The following ZNF354B variants were observed in gnomAD, a reference collection of about 807,000 sequenced individuals.
The protein encoded by ZNF354B is zinc finger protein 354B.
Under a neutral mutation model 12.9 loss-of-function variants are expected in ZNF354B, and 10 were observed. That is an observed-to-expected ratio of 0.77 (90% CI 0.48 to 1.31). The LOEUF (loss-of-function observed/expected upper bound fraction) is 1.31. Among genes scored for constraint, ZNF354B ranks in the 40% most tolerant of loss-of-function variants. ZNF354B has a pLI of 0.00. For synonymous variants in ZNF354B, 260 were observed against 243.7 expected, an observed-to-expected ratio of 1.07 and a Z score of -0.62; for missense variants, 614 against 711.7, an observed-to-expected ratio of 0.86 and a Z score of 1.56.
chr5:178,882,980 A>G lies in ZNF354B; in HGVS notation c.528A>G (p.Gln176=), dbSNP rs759144802. The part of the protein sequence containing the change: ...NFYLKSVFIK[Q]QRFAKEKTPS... ...ACCTGAAATCAGTCTTCATTAAGCA[A>G]CAGAGATTTGCTAAAGAAAAAACTC... Residue 176 remains glutamine, a synonymous_variant, in exon 5 of 5, where the codon CAA becomes CAG. Transcript: ENST00000322434. 3.7e-6 allele frequency: 6 copies of G among 1,608,240 alleles called. No homozygotes were observed. The highest frequency in any genetic ancestry group is 1.3e-5 in the African/African-American group (1 of 74,578).
rs192038460 is a variant in ZNF354B, at chr5:178,881,940, T to C, written c.257-769T>C. 2.8e-4 allele frequency among the ~76,000 whole-genome samples: 42 copies of C among 152,376 alleles called. No homozygotes were observed. In the East Asian group the frequency reaches 6.2e-3, roughly 22 times the overall value. On this transcript the variant is annotated intron_variant, in intron 4 of 4. Coordinates refer to ENST00000322434, the MANE Select transcript of ZNF354B (RefSeq NM_058230.3). ...TTTCTCTTTACTCATATCTAATTGA[T>C]TTATATTGCCTGATTGCATTGGTTA...
rs1319841702 is a variant in ZNF354B at position 178,883,359 on chromosome 5, T to A, written c.907T>A (p.Cys303Ser). The A allele has an allele frequency of 6.2e-7, 1 of 1,614,090 alleles. No individual in the cohort carries two copies. Among genetic ancestry groups the A allele is most frequent in the Admixed American group, 1.7e-5 (1 of 60,016 alleles). Residue 303 changes from cysteine to serine, a missense_variant, in exon 5 of 5, where the codon TGT becomes AGT. Physicochemically the swap from Cys to Ser is moderately radical, Grantham distance 112 (BLOSUM62 -1). Coordinates refer to ENST00000322434, the MANE Select transcript of ZNF354B (RefSeq NM_058230.3). ...TVEKCYRCKECGKSFSRRSGL... is the reference protein window; with the variant it reads ...TVEKCYRCKESGKSFSRRSGL... The stretch of plus-strand genomic sequence containing the variant: ...GGAGAAATGCTATAGATGTAAAGAA[T>A]GTGGTAAATCCTTCAGTCGAAGGTC...
chr5:178,866,196 A>G (rs778717145), intron 2 of ZNF354B, 48 bp from the exon 3 acceptor site: 8 of 1,605,844 alleles, frequency 5.0e-6, no homozygotes, highest in South Asian at 1.1e-5. Context: ...CGCCCCCTCC[A>G]CTCTGTGAGG....
At chr5:178,882,141 A>G (rs1337102503) in intron 4 of ZNF354B, among the ~76,000 whole-genome samples, 1 of 152,030 alleles carries the variant, frequency 6.6e-6, no homozygotes, top group Non-Finnish European at 1.5e-5. Context: ...GAGTGTGTTT[A>G]TTGTCTGTGG....
chr5:178,874,997 A>C (rs1335736391), intron 4 of ZNF354B, among the ~76,000 whole-genome samples: 2 of 152,182 alleles, frequency 1.3e-5, no homozygotes, highest in Non-Finnish European at 2.9e-5. Context: ...TATATTAGCA[A>C]AGTAATTTTG....
At chr5:178,870,926 C>G (rs1410532589) in intron 4 of ZNF354B, among the ~76,000 whole-genome samples, 1 of 152,130 alleles carries the variant, frequency 6.6e-6, no homozygotes, top group African/African-American at 2.4e-5. Flanking sequence ...TCCCAAAATG[C>G]TGGGATTATA....
chr5:178,866,188 C>A, intron 2 of ZNF354B, 56 bp from the exon 3 acceptor site: 5 of 1,600,248 alleles, frequency 3.1e-6, no homozygotes, highest in Non-Finnish European at 4.3e-6. Flanking sequence ...CCCACTGCCG[C>A]CCCCTCCACT....
At chr5:178,876,226 T>C (rs1302146001) in intron 4 of ZNF354B, among the ~76,000 whole-genome samples, 2 of 152,108 alleles carry the variant, frequency 1.3e-5, no homozygotes, top group Non-Finnish European at 2.9e-5. Context: ...TGTGCTGGAG[T>C]CCCAGGTCGG....
chr5:178,863,498 C>G (rs1026497926), intron 2 of ZNF354B, among the ~76,000 whole-genome samples: 1 of 152,150 alleles, frequency 6.6e-6, no homozygotes, highest in Admixed American at 6.5e-5. Flanking sequence ...ATAAACAGAC[C>G]TACCATGCAG....
chr5:178,866,152 A>C (rs1318745972), intron 2 of ZNF354B, 92 bp from the exon 3 acceptor site: 1 of 1,540,116 alleles, frequency 6.5e-7, no homozygotes, highest in Admixed American at 2.0e-5. Flanking sequence ...ATAGTATGAG[A>C]AGTGTTTCAC....
chr5:178,873,944 T>G (rs895152339), intron 4 of ZNF354B, among the ~76,000 whole-genome samples: 1 of 147,628 alleles, frequency 6.8e-6, no homozygotes, highest in Non-Finnish European at 1.5e-5. Flanking sequence ...GAGTCCTCTG[T>G]TTTTTTTTTC....
Position 178,882,761 on chromosome 5 carries a change from T to A in ZNF354B, c.309T>A (p.Phe103Leu), listed in dbSNP as rs1162886830. The change falls in exon 5 of 5, where the codon TTT (phenylalanine) becomes TTA (leucine). Residue 103 changes from phenylalanine (F) to leucine (L), a missense_variant. Transcript: ENST00000322434. ...AGTCAACTCAAACTCAGGATTCATTTCAGGAGCAGATAAGGAAAAGATTGA... is the reference window on the plus strand; with the variant it reads ...AGTCAACTCAAACTCAGGATTCATTACAGGAGCAGATAAGGAAAAGATTGA... ...MTKSTQTQDS[F>L]QEQIRKRLKR... is the part of the protein sequence containing the mutation. 1 of 1,582,982 alleles carries A rather than the reference T, an allele frequency of 6.3e-7. No homozygotes were observed. The highest frequency in any genetic ancestry group is 8.5e-7 in the Non-Finnish European group (1 of 1,172,436).
chr5:178,883,106 A>G lies in ZNF354B; in HGVS notation c.654A>G (p.Thr218=). The G allele has an allele frequency of 5.0e-6, 8 of 1,610,796 alleles. No individual in the cohort carries two copies. Among genetic ancestry groups the G allele is most frequent in the Non-Finnish European group, 6.8e-6 (8 of 1,179,292 alleles). ...CAGAGAAACGCTATAAATGCAGTAC[A>G]TGTGAAAAAGCCTTCATTCACAATT... is the stretch of plus-strand genomic sequence containing the variant. ...KTAEKRYKCS[T]CEKAFIHNSS... Residue 218 remains threonine, a synonymous_variant, in exon 5 of 5, where the codon ACA becomes ACG. Transcript: ENST00000322434.
chr5:178,864,811 CAG>C (rs2114007859), intron 2 of ZNF354B, among the ~76,000 whole-genome samples: 1 of 152,064 alleles, frequency 6.6e-6, no homozygotes, highest in East Asian at 1.9e-4. Flanking sequence ...TTTGTAGAGA[CAG>C]GGTTTCACCG....
At chr5:178,868,843 G>T (rs1229114218) in intron 4 of ZNF354B, among the ~76,000 whole-genome samples, 5 of 152,082 alleles carry the variant, frequency 3.3e-5, no homozygotes, top group Non-Finnish European at 5.9e-5. Context: ...ATGGTGGCGG[G>T]CGCCTGTAGT....
At chr5:178,871,174 G>A (rs1364283391) in intron 4 of ZNF354B, among the ~76,000 whole-genome samples, 2 of 152,032 alleles carry the variant, frequency 1.3e-5, no homozygotes, top group African/African-American at 4.8e-5. Flanking sequence ...CCCCATCATG[G>A]CCTTCAGAGA....
chr5:178,868,918 G>A (rs1333869683), intron 4 of ZNF354B, among the ~76,000 whole-genome samples: 1 of 151,028 alleles, frequency 6.6e-6, no homozygotes, highest in Admixed American at 6.6e-5. Flanking sequence ...CTTGCAGCGA[G>A]CCGAGATCGC....
intron 4 of ZNF354B, among the ~76,000 whole-genome samples, chr5:178,867,902 A>AT (rs1757489039): frequency 6.6e-6 from 1 of 152,180 alleles, no homozygotes; most frequent in Admixed American, 6.5e-5. Flanking sequence ...TTGCTATGTG[A>AT]TTCGAATTTA....
In ZNF354B at chr5:178,884,338, T is replaced by C. The variant is rs1757769588; in HGVS notation, c.*47T>C. The C allele has an allele frequency of 6.6e-7, 1 of 1,513,912 alleles. No homozygotes were observed. Among genetic ancestry groups the C allele is most frequent in the South Asian group, 1.4e-5 (1 of 73,072 alleles). 93.8% of individuals were successfully genotyped at this position (1,513,912 alleles called of 1,614,324 possible). ...CAGAGAATACATGCTTGAGAGTGAT[T>C]TATTAAATATAATGAATATGAGAAA... is the stretch of plus-strand genomic sequence containing the variant. On this transcript the variant is annotated 3_prime_UTR_variant, in exon 5 of 5. Coordinates refer to ENST00000322434, the MANE Select transcript of ZNF354B (RefSeq NM_058230.3).
Sources: allele counts gnomAD v4.1 joint callset (sites outside exome capture counted in the v4.1 genomes callset), GRCh38; gene constraint gnomAD v4.1.1; transcripts MANE v1.5; gene names NCBI Gene and HGNC (gene_info 2026-07-23, HGNC 2026-07-21).